DSC2: variants seen among roughly 807,000 people sequenced by gnomAD.
The protein encoded by DSC2 is desmocollin-2.
A neutral mutation model predicts 87.6 loss-of-function variants in DSC2; 51 were observed. The ratio of observed to expected loss-of-function variants is 0.58; its 90% CI spans 0.46 to 0.74. DSC2 has a LOEUF of 0.74. DSC2 is among the 30% of genes least tolerant of loss of function. The pLI is 0.00. For synonymous variants in DSC2, 383 were observed against 393.2 expected (o/e 0.97, Z 0.31); for missense variants, 1,066 against 1,089.5 (o/e 0.98, Z 0.30).
intron 11 of DSC2, among the ~76,000 whole-genome samples, chr18:31,077,831 C>A (rs1002370182): frequency 6.6e-6 from 1 of 152,122 alleles, no homozygotes; most frequent in African/African-American, 2.4e-5. Context: ...ATTCTAACAG[C>A]TGGAATAATA....
At chr18:31,095,589 G>T (rs910612051) in intron 1 of DSC2, among the ~76,000 whole-genome samples, 1 of 152,104 alleles carries the variant, frequency 6.6e-6, no homozygotes, top group Non-Finnish European at 1.5e-5. Flanking sequence ...ATGAAAAATG[G>T]TTGGATTAAG....
rs536813206 is a variant in DSC2 at position 31,062,068 on chromosome 18, T to C, written c.*5947A>G. 2.0e-5 allele frequency: 3 copies of C among 152,336 alleles called. No individual in the cohort carries two copies. Among genetic ancestry groups the C allele is most frequent in the Non-Finnish European group, 2.9e-5 (2 of 68,044 alleles). The allele number at this position is 152,336 out of a possible 1,614,324, so 9.4% of individuals were successfully genotyped here. On this transcript the variant is annotated 3_prime_UTR_variant, in exon 16 of 16. Transcript: ENST00000280904. Reference sequence around the variant, plus strand: ...GACATTATCAGTTCACAGCACAATATAGGCATTGCCTCTGAGGCTCATTGC... The same window carrying C: ...GACATTATCAGTTCACAGCACAATACAGGCATTGCCTCTGAGGCTCATTGC...
intron 1 of DSC2, among the ~76,000 whole-genome samples, chr18:31,098,989 C>T (rs1987849886): frequency 6.6e-6 from 1 of 152,188 alleles, no homozygotes; most frequent in Admixed American, 6.5e-5. Flanking sequence ...AGCTTTCAGA[C>T]TTCCTACTTG....
intron 11 of DSC2, among the ~76,000 whole-genome samples, chr18:31,075,251 C>T (rs1039584811): frequency 1.3e-5 from 2 of 152,024 alleles, no homozygotes; most frequent in Non-Finnish European, 2.9e-5. Flanking sequence ...TGGAAACGCA[C>T]GTTATACACA....
Position 31,069,102 on chromosome 18 carries a change from C to T in DSC2, c.2300G>A (p.Gly767Glu), listed in dbSNP as rs772898155. 7 of 1,614,086 alleles carry T rather than the reference C, an allele frequency of 4.3e-6. No homozygotes were observed. The East Asian group carries it at 1.1e-4, about 26-fold the overall frequency. Residue 767 changes from glycine to glutamate, a missense_variant, in exon 15 of 16, where the codon GGA becomes GAA. Physicochemically the swap from Gly to Glu is moderately conservative, Grantham distance 98. Transcript: ENST00000280904. Reference protein sequence around the residue: ...TTQTVGASAQGVCGTVGSGIK... With the variant: ...TTQTVGASAQEVCGTVGSGIK... ...TCCTGATCCCACGGTGCCACAAACT[C>T]CCTGAGCAGAAGCGCCCACAGTTTG...
chr18:31,071,225 A>G (rs1986817031), intron 13 of DSC2, among the ~76,000 whole-genome samples: 1 of 152,148 alleles, frequency 6.6e-6, no homozygotes, highest in Non-Finnish European at 1.5e-5. Context: ...ATGATCAGCT[A>G]TAGGAAATAG....
chr18:31,091,262 A>G (rs996020620), intron 3 of DSC2, 115 bp from the exon 4 acceptor site: 2 of 1,320,188 alleles, frequency 1.5e-6, no homozygotes, highest in African/African-American at 1.5e-5. Flanking sequence ...GGGTGAGACC[A>G]TGGGAGTGCT....
chr18:31,070,175 T>C (rs1248905394), intron 14 of DSC2, among the ~76,000 whole-genome samples: 3 of 152,200 alleles, frequency 2.0e-5, no homozygotes, highest in African/African-American at 4.8e-5. Context: ...ACACTTCTTA[T>C]AGGGTATTTA....
chr18:31,062,517 A>T lies in DSC2; in HGVS notation c.*5498T>A, dbSNP rs1297595681. Reference sequence around the variant, plus strand: ...GTTGAGAAAAAGAATTCTTTAGGCAATATGCAGTCTGATCTTAGCCAGGTA... The same window carrying T: ...GTTGAGAAAAAGAATTCTTTAGGCATTATGCAGTCTGATCTTAGCCAGGTA... On this transcript the variant is annotated 3_prime_UTR_variant, in exon 16 of 16. Transcript: ENST00000280904. 6.6e-6 allele frequency: 1 copy of T among 152,178 alleles called. No homozygotes were observed. The highest frequency in any genetic ancestry group is 1.9e-4 in the East Asian group (1 of 5,196). The allele number at this position is 152,178 out of a possible 1,614,324, so 9.4% of individuals were successfully genotyped here.
intron 6 of DSC2, 83 bp from the exon 7 acceptor site, chr18:31,086,825 A>G: frequency 2.0e-6 from 3 of 1,498,230 alleles, no homozygotes; most frequent in Non-Finnish European, 2.7e-6. Flanking sequence ...CACCCACCTC[A>G]AAAAAGTTCT....
chr18:31,091,923 C>T (rs1181666050), intron 3 of DSC2, among the ~76,000 whole-genome samples, 178 bp downstream of exon 3: 1 of 152,132 alleles, frequency 6.6e-6, no homozygotes, highest in African/African-American at 2.4e-5. Context: ...GAATGACAAC[C>T]CGAATGAACC....
rs1172381176 is a variant in DSC2 at position 31,066,199 on chromosome 18, T to C, written c.*1816A>G. The C allele has an allele frequency of 6.6e-6, 1 of 152,142 alleles. No individual in the cohort carries two copies. Among genetic ancestry groups the C allele is most frequent in the Non-Finnish European group, 1.5e-5 (1 of 68,026 alleles). 9.4% of individuals were successfully genotyped at this position (152,142 alleles called of 1,614,324 possible). On this transcript the variant is annotated 3_prime_UTR_variant, in exon 16 of 16. Transcript: ENST00000280904. ...CAGCCTTTAGAATAGTCATATTATA[T>C]AAATATGGCAATAACAATGCACTGA...
intron 11 of DSC2, among the ~76,000 whole-genome samples, 163 bp from the exon 12 acceptor site, chr18:31,075,070 G>A (rs1353296483): frequency 6.6e-6 from 1 of 152,146 alleles, no homozygotes; most frequent in Non-Finnish European, 1.5e-5. Flanking sequence ...AAGAAAAATA[G>A]TATTACTTTC....
Position 31,075,765 on chromosome 18 carries a change from G to A in DSC2, c.1664-858C>T, listed in dbSNP as rs1386028299. On this transcript the variant is annotated intron_variant, in intron 11 of 15. Transcript: ENST00000280904. ...CTCGGGAGGTTGAGGCAAGAGAATCGCTTGAACCCGGGAGGCGGAGGTTGC... is the reference window on the plus strand; with the variant it reads ...CTCGGGAGGTTGAGGCAAGAGAATCACTTGAACCCGGGAGGCGGAGGTTGC... Among the ~76,000 whole-genome samples the A allele has an allele frequency of 3.9e-5, 6 of 152,198 alleles. No individual in the cohort carries two copies. In the South Asian group the frequency reaches 6.2e-4, roughly 16 times the overall value.
chr18:31,092,054 C>T (rs745313949), intron 3 of DSC2, 47 bp downstream of exon 3: 23 of 1,550,138 alleles, frequency 1.5e-5, no homozygotes, highest in Admixed American at 6.8e-5. Flanking sequence ...ATGTTGATTA[C>T]GTCTGAAGAA....
intron 15 of DSC2, 49 bp from the exon 16 acceptor site, chr18:31,068,261 CAAA>C (rs1567971078): frequency 6.2e-7 from 1 of 1,612,170 alleles, no homozygotes; most frequent in Non-Finnish European, 8.5e-7. Flanking sequence ...TTTTAAACAC[CAAA>C]ATTTACTAAC....
intron 7 of DSC2, among the ~76,000 whole-genome samples, chr18:31,086,002 G>A (rs1206166061): frequency 6.6e-6 from 1 of 151,978 alleles, no homozygotes; most frequent in Non-Finnish European, 1.5e-5. Flanking sequence ...AATACAATTT[G>A]GAGACCATGA....
intron 11 of DSC2, among the ~76,000 whole-genome samples, chr18:31,076,894 G>C (rs1987034978): frequency 6.6e-6 from 1 of 152,190 alleles, no homozygotes; most frequent in African/African-American, 2.4e-5. Context: ...AGAAGCATCA[G>C]CAAGAAGAGA....
At chr18:31,096,527 C>T (rs994972180) in intron 1 of DSC2, among the ~76,000 whole-genome samples, 5 of 152,064 alleles carry the variant, frequency 3.3e-5, no homozygotes, top group Non-Finnish European at 5.9e-5. Context: ...CTGGCCCTGG[C>T]GTGGATCTGT....
Sources: allele counts gnomAD v4.1 joint callset (sites outside exome capture counted in the v4.1 genomes callset), GRCh38; gene constraint gnomAD v4.1.1; transcripts MANE v1.5; gene names NCBI Gene and HGNC (gene_info 2026-07-23, HGNC 2026-07-21).